The following PLAC1 variants were observed in gnomAD, a reference collection of about 807,000 sequenced individuals.
The protein encoded by PLAC1 is placenta associated 1.
For missense variants in PLAC1, 136 were observed against 163.2 expected, an observed-to-expected ratio of 0.83 and a Z score of 0.91; for synonymous variants, 68 against 62.1, an observed-to-expected ratio of 1.09 and a Z score of -0.44.
At chrX:134,722,996 G>A (rs922934051) in intron 2 of PLAC1, among the ~76,000 whole-genome samples, 3 of 108,463 alleles carry the variant, frequency 2.8e-5, no homozygotes, top group Non-Finnish European at 5.7e-5. Context: ...AAAAAAAGAC[G>A]TGATTCTGAA....
chrX:134,697,625 T>A (rs1304598911), intron 2 of PLAC1, among the ~76,000 whole-genome samples: 1 of 111,992 alleles, frequency 8.9e-6, no homozygotes, highest in Admixed American at 9.4e-5. Flanking sequence ...CCCAGCAGTT[T>A]AGGAGGCCAA....
At chrX:134,651,819 T>G (rs915976656) in intron 1 of PLAC1, among the ~76,000 whole-genome samples, 3 of 109,305 alleles carry the variant, frequency 2.7e-5, no homozygotes, top group Non-Finnish European at 3.8e-5. Flanking sequence ...AAGTCCTGCC[T>G]GAGACCCTCA....
chrX:134,604,688 A>G (rs1048288770), intron 1 of PLAC1: 2 of 111,847 alleles, frequency 1.8e-5, no homozygotes, highest in African/African-American at 3.2e-5. Flanking sequence ...TAAGCAAGCT[A>G]AAAGTATGTG....
At chrX:134,593,026 G>T (rs756646917) in intron 2 of PLAC1, among the ~76,000 whole-genome samples, 1 of 110,656 alleles carries the variant, frequency 9.0e-6, no homozygotes, top group African/African-American at 3.3e-5. Flanking sequence ...CGCGCCCAGC[G>T]CTGTGTCTCT....
chrX:134,659,623 G>A (rs1482674636), upstream of PLAC1, among the ~76,000 whole-genome samples: 2 of 112,067 alleles, frequency 1.8e-5, no homozygotes, highest in African/African-American at 6.5e-5. Context: ...AAGACTCCAA[G>A]GTAAAACAAT....
intron 1 of PLAC1, among the ~76,000 whole-genome samples, chrX:134,636,210 A>G (rs1294242865): frequency 8.9e-6 from 1 of 112,349 alleles, no homozygotes; most frequent in Non-Finnish European, 1.9e-5. Context: ...AAATGATACA[A>G]TGCTTACAGA....
In PLAC1 at chrX:134,658,426, C is replaced by G. The variant is rs2078403219; in HGVS notation, c.-229G>C. 8.9e-6 allele frequency: 1 copy of G among 112,407 alleles called. No homozygotes were observed. Among genetic ancestry groups the G allele is most frequent in the Admixed American group, 9.4e-5 (1 of 10,657 alleles). 9.3% of individuals were successfully genotyped at this position (112,407 alleles called of 1,213,427 possible). A position where few individuals can be genotyped will look rare whatever the true frequency, so the allele number is the denominator to read the frequency against. On this transcript the variant is annotated 5_prime_UTR_variant, in exon 1 of 3. Coordinates refer to ENST00000359237, the MANE Select transcript of PLAC1 (RefSeq NM_021796.4). ...AGTCACTGGAACTGAAGAGGGGTGG[C>G]CTTTACCTTCATAGGAGAGTCACTC...
chrX:134,680,604 T>TAAACTAAACA (rs56218238), intron 2 of PLAC1, among the ~76,000 whole-genome samples: 22,482 of 102,342 alleles, frequency 0.22, 2,121 homozygotes, highest in Middle Eastern at 0.32. Flanking sequence ...TAAACTAAAC[T>TAAACTAAACA]AAACACCTTC....
intron 1 of PLAC1, among the ~76,000 whole-genome samples, chrX:134,736,327 T>G (rs1001000424): frequency 1.8e-5 from 2 of 110,971 alleles, no homozygotes; most frequent in African/African-American, 6.6e-5. Flanking sequence ...TTGCCTGATA[T>G]GAAATCTGCA....
chrX:134,662,572 C>T (rs773459125), upstream of PLAC1, among the ~76,000 whole-genome samples: 1 of 112,101 alleles, frequency 8.9e-6, no homozygotes, highest in East Asian at 2.8e-4. Context: ...GTGTAGCCCA[C>T]AAGCAAAGGA....
intron 1 of PLAC1, among the ~76,000 whole-genome samples, chrX:134,622,057 C>G (rs1455222169): frequency 5.4e-5 from 6 of 111,925 alleles, no homozygotes; most frequent in African/African-American, 1.6e-4. Context: ...CCCCTGGGCT[C>G]TGAGCAGAGG....
intron 2 of PLAC1, among the ~76,000 whole-genome samples, chrX:134,706,376 G>C (rs1439070047): frequency 8.9e-6 from 1 of 112,122 alleles, no homozygotes; most frequent in Non-Finnish European, 1.9e-5. Context: ...ACCACATAGG[G>C]AGCTGTACGT....
chrX:134,682,243 G>A (rs1289093044), intron 2 of PLAC1, among the ~76,000 whole-genome samples: 1 of 112,291 alleles, frequency 8.9e-6, no homozygotes, highest in African/African-American at 3.2e-5. Context: ...ATTCTTCTGG[G>A]CAAAGTAATT....
At chrX:134,621,232 G>T (rs1241918017) in intron 1 of PLAC1, among the ~76,000 whole-genome samples, 1 of 109,907 alleles carries the variant, frequency 9.1e-6, no homozygotes, top group Admixed American at 9.7e-5. Flanking sequence ...GATCACTTAA[G>T]GTCTGGAGTT....
At chrX:134,623,528 G>C (rs1602849215) in intron 1 of PLAC1, among the ~76,000 whole-genome samples, 1 of 112,505 alleles carries the variant, frequency 8.9e-6, no homozygotes, top group East Asian at 2.8e-4. Flanking sequence ...GTATTTTACA[G>C]ATTAGGAACC....
chrX:134,569,787 TTTGTG>T (rs2077897040), intron 2 of PLAC1, among the ~76,000 whole-genome samples: 2 of 90,104 alleles, frequency 2.2e-5, no homozygotes, highest in African/African-American at 9.0e-5. Flanking sequence ...TGTGTGTGTG[TTTGTG>T]TGTGTGTGTG....
chrX:134,644,718 T>C (rs183611306), intron 1 of PLAC1, among the ~76,000 whole-genome samples: 64 of 111,176 alleles, frequency 5.8e-4, no homozygotes, highest in African/African-American at 1.9e-3. Flanking sequence ...TCACCTAGAC[T>C]AAAAACTTTG....
intron 2 of PLAC1, among the ~76,000 whole-genome samples, chrX:134,719,974 A>G (rs1237288301): frequency 1.8e-5 from 2 of 111,802 alleles, no homozygotes; most frequent in South Asian, 3.8e-4. Context: ...ACTTCTATTC[A>G]ATATTATACT....
At chrX:134,643,049 CTA>C (rs929307508) in intron 1 of PLAC1, among the ~76,000 whole-genome samples, 2 of 111,432 alleles carry the variant, frequency 1.8e-5, no homozygotes, top group Non-Finnish European at 3.8e-5. Context: ...ATAAAAAAGA[CTA>C]TATTAAAAAG....
Sources: allele counts gnomAD v4.1 joint callset (sites outside exome capture counted in the v4.1 genomes callset), GRCh38; gene constraint gnomAD v4.1.1; transcripts MANE v1.5; gene names NCBI Gene and HGNC (gene_info 2026-07-23, HGNC 2026-07-21).